The following JHY variants were observed in gnomAD, a reference collection of about 807,000 sequenced individuals.
JHY encodes junctional cadherin complex regulator.
A neutral mutation model predicts 78.0 loss-of-function variants in JHY; 69 were observed. The observed-to-expected ratio is 0.88, with a 90% confidence interval of 0.73 to 1.08. The LOEUF (loss-of-function observed/expected upper bound fraction) is 1.08, where lower values mean the gene tolerates loss of function less well. Among genes scored for constraint, JHY ranks in the 50% least tolerant of loss-of-function variants. The pLI is 0.00. For missense variants in JHY, 944 were observed against 927.8 expected (o/e 1.02, Z -0.23); for synonymous variants, 368 against 342.6 (o/e 1.07, Z -0.82).
At chr11:122,952,221 A>G (rs932980556) in intron 6 of JHY, among the ~76,000 whole-genome samples, 5 of 152,150 alleles carry the variant, frequency 3.3e-5, no homozygotes, top group African/African-American at 1.2e-4. Context: ...TAAAATTGGA[A>G]TGTGGTGATG....
chr11:122,911,139 A>G (rs771725631), intron 3 of JHY, among the ~76,000 whole-genome samples: 1 of 152,248 alleles, frequency 6.6e-6, no homozygotes, highest in Non-Finnish European at 1.5e-5. Flanking sequence ...TTGAAAAATC[A>G]ACTACCTTTC....
intron 3 of JHY, among the ~76,000 whole-genome samples, chr11:122,906,649 T>C (rs571598689): frequency 6.6e-6 from 1 of 152,358 alleles, no homozygotes; most frequent in East Asian, 1.9e-4. Flanking sequence ...AAAGAAATAG[T>C]TTTATTTCCA....
intron 3 of JHY, among the ~76,000 whole-genome samples, chr11:122,918,208 C>T (rs1863274312): frequency 6.6e-6 from 1 of 151,432 alleles, no homozygotes; most frequent in Non-Finnish European, 1.5e-5. Context: ...GCCTAGCATA[C>T]ATTTATTGAG....
rs756113544 is a variant in JHY, at chr11:122,904,349, G to GA, written c.776dup (p.Asn259LysfsTer21). On this transcript the variant is annotated frameshift_variant, in exon 3 of 9. Transcript: ENST00000227349. LOFTEE classifies it high-confidence loss of function. ...AAGGAAATCCAAACAACATTTTGTG[G>GA]AAAAAAACAAGCTCACTTTGGGATT... 1.2e-6 allele frequency: 2 copies of GA among 1,613,860 alleles called. No homozygotes were observed. Among genetic ancestry groups the GA allele is most frequent in the African/African-American group, 2.7e-5 (2 of 74,880 alleles).
intron 2 of JHY, among the ~76,000 whole-genome samples, chr11:122,895,467 A>G (rs975429279): frequency 6.6e-6 from 1 of 152,234 alleles, no homozygotes; most frequent in African/African-American, 2.4e-5. Flanking sequence ...TTTTTGATTG[A>G]ATACAATATT....
chr11:122,946,455 T>C, intron 5 of JHY, 43 bp from the exon 6 acceptor site: 14 of 1,527,372 alleles, frequency 9.2e-6, no homozygotes, highest in Non-Finnish European at 1.2e-5. Flanking sequence ...CTTATGTATT[T>C]GGATTTTATT....
In JHY at chr11:122,946,654, G is replaced by A. The variant is rs757325348; in HGVS notation, c.1791G>A (p.Leu597=). The change falls in exon 6 of 9, where the codon CTG becomes CTA. Residue 597 remains leucine (L), a synonymous_variant. Coordinates refer to ENST00000227349, the MANE Select transcript of JHY (RefSeq NM_024806.4). The part of the protein sequence containing the change: ...ALSSVTLPPI[L]SRVESESQLS... ...CCAGCGTCACGCTTCCACCTATACTGTCAAGGGTAGAAAGTGAATCCCAAC... is the reference window on the plus strand; with the variant it reads ...CCAGCGTCACGCTTCCACCTATACTATCAAGGGTAGAAAGTGAATCCCAAC... 63 of 1,614,096 alleles carry A rather than the reference G, an allele frequency of 3.9e-5. No homozygotes were observed. Among genetic ancestry groups the A allele is most frequent in the Non-Finnish European group, 4.9e-5 (58 of 1,180,018 alleles).
chr11:122,901,524 C>A (rs1862858551), intron 2 of JHY, among the ~76,000 whole-genome samples: 1 of 151,854 alleles, frequency 6.6e-6, no homozygotes, highest in Non-Finnish European at 1.5e-5. Flanking sequence ...ATACATTGTA[C>A]AGCTGTATAA....
In JHY at chr11:122,934,882, T is replaced by G. The variant is rs754039565; in HGVS notation, c.1441T>G (p.Ser481Ala). 12 of 1,613,878 alleles carry G rather than the reference T, an allele frequency of 7.4e-6. No homozygotes were observed. In the African/African-American group the frequency reaches 1.6e-4, roughly 22 times the overall value. Residue 481 changes from serine (S) to alanine (A), a missense_variant, in exon 5 of 9, where the codon TCA becomes GCA. Coordinates refer to ENST00000227349, the MANE Select transcript of JHY (RefSeq NM_024806.4). ...CAAAGACCAAGAAGAGAAAAGATTT[T>G]CATATCAGCAGCTACACACCCTTTC... is the stretch of plus-strand genomic sequence containing the variant. ...GHKDQEEKRF[S>A]YQQLHTLSDM...
intron 4 of JHY, among the ~76,000 whole-genome samples, chr11:122,930,047 C>G (rs141747705): frequency 6.6e-6 from 1 of 152,086 alleles, no homozygotes; most frequent in Admixed American, 6.6e-5. Flanking sequence ...ACCATCAAGA[C>G]GCCCAGCTGT....
intron 6 of JHY, among the ~76,000 whole-genome samples, chr11:122,951,042 G>T (rs572210025): frequency 5.9e-5 from 9 of 152,308 alleles, no homozygotes; most frequent in Non-Finnish European, 8.8e-5. Context: ...TATTTGTATA[G>T]GACAGCAGGT....
chr11:122,933,548 G>T (rs1417046244), intron 4 of JHY, among the ~76,000 whole-genome samples: 1 of 152,184 alleles, frequency 6.6e-6, no homozygotes, highest in Non-Finnish European at 1.5e-5. Flanking sequence ...AAAGCATAAA[G>T]ACTGTTGTGA....
intron 3 of JHY, among the ~76,000 whole-genome samples, chr11:122,914,596 C>T (rs1863197932): frequency 6.6e-6 from 1 of 152,122 alleles, no homozygotes; most frequent in African/African-American, 2.4e-5. Context: ...AGGCGTCTAC[C>T]ACCACGCCCG....
rs571482464 is a variant in JHY, at chr11:122,922,809, CAAAAAA to C, written c.865-2066_865-2061del. 5.2e-4 allele frequency among the ~76,000 whole-genome samples: 23 copies of C among 44,368 alleles called. No homozygotes were observed. The East Asian group carries it at 6.1e-3, about 12-fold the overall frequency. 29.1% of individuals were successfully genotyped at this position (44,368 alleles called of 152,430 possible). On this transcript the variant is annotated intron_variant, in intron 3 of 8. Transcript: ENST00000227349. Reference sequence around the variant, plus strand: ...TGGGCAACAGAGCGAGACTCCGTCTCAAAAAAAAAAAAAAAAAAAAAAAAAAACCAG... The same window carrying C: ...TGGGCAACAGAGCGAGACTCCGTCTCAAAAAAAAAAAAAAAAAAAAACCAG...
intron 5 of JHY, among the ~76,000 whole-genome samples, chr11:122,939,742 A>G (rs1369469351): frequency 3.3e-5 from 5 of 152,190 alleles, no homozygotes; most frequent in Admixed American, 6.5e-5. Context: ...AAATTTTGCA[A>G]CATTTTCTAT....
At chr11:122,910,495 G>C (rs537229086) in intron 3 of JHY, among the ~76,000 whole-genome samples, 1 of 151,716 alleles carries the variant, frequency 6.6e-6, no homozygotes, top group Admixed American at 6.6e-5. Flanking sequence ...AAAAAACAGT[G>C]GAAAGGAATA....
At position 122,935,914 on chromosome 11, in the gene JHY, G is replaced by C. The variant is rs191889680; in HGVS notation, c.1634+839G>C. On this transcript the variant is annotated intron_variant, in intron 5 of 8. Transcript: ENST00000227349. This position sits in a 1 kb window ranked among gnomAD's most constrained non-coding sequence, Gnocchi z 4.5. ...TAGTAAGGTACAAAATTACACCTTG[G>C]GTTGAATGACACTGGTAGAAGAAAA... Among the ~76,000 whole-genome samples the C allele has an allele frequency of 6.6e-6, 1 of 152,210 alleles. No homozygotes were observed. Among genetic ancestry groups the C allele is most frequent in the Admixed American group, 6.5e-5 (1 of 15,278 alleles).
Position 122,898,349 on chromosome 11 carries a change from A to G in JHY, c.345-5576A>G, listed in dbSNP as rs1862779794. Among the ~76,000 whole-genome samples the G allele has an allele frequency of 6.6e-6, 1 of 152,212 alleles. No homozygotes were observed. The highest frequency in any genetic ancestry group is 1.5e-5 in the Non-Finnish European group (1 of 68,036). On this transcript the variant is annotated intron_variant, in intron 2 of 8. Coordinates refer to ENST00000227349, the MANE Select transcript of JHY (RefSeq NM_024806.4). This position sits in a 1 kb window ranked among gnomAD's most constrained non-coding sequence, Gnocchi z 4.4. Reference sequence around the variant, plus strand: ...GAATAGCTGCAGGGTACAATGCAACATGATGTGCAGGAGCCCGATCCAGAG... The same window carrying G: ...GAATAGCTGCAGGGTACAATGCAACGTGATGTGCAGGAGCCCGATCCAGAG...
intron 4 of JHY, among the ~76,000 whole-genome samples, chr11:122,929,189 A>G (rs1293191257): frequency 4.0e-5 from 6 of 149,706 alleles, no homozygotes; most frequent in Non-Finnish European, 8.9e-5. Context: ...GGCCTCCCAA[A>G]GTGCTGGGAT....
Sources: gnomAD v4.1 joint callset for allele counts (sites outside exome capture counted in the v4.1 genomes callset) on GRCh38, gnomAD v4.1.1 for gene constraint, Gnocchi (gnomAD v3.1) non-coding constraint, MANE v1.5 for transcripts, NCBI Gene and HGNC (gene_info 2026-07-23, HGNC 2026-07-21) for gene names.